ENTPD2: variants seen among roughly 807,000 people sequenced by gnomAD.
ENTPD2 encodes the protein ectonucleoside triphosphate diphosphohydrolase 2.
In ENTPD2, 48 loss-of-function variants were observed where a neutral mutation model predicts 46.8. The observed-to-expected ratio is 1.03, with a 90% CI of 0.81 to 1.30. ENTPD2 has a LOEUF of 1.30. ENTPD2 is among the 50% of genes most tolerant of loss of function. The pLI is 0.00. For missense variants in ENTPD2, 707 were observed against 651.1 expected (o/e 1.09, Z -0.93); for synonymous variants, 316 against 286.1 (o/e 1.10, Z -1.06).
rs1194775694 is a variant in ENTPD2, at chr9:137,049,267, C to G, written c.1150-192G>C. ...GGGGCACCCCCGGCAGGGCACGCTT[C>G]CATCCCTCCCCAGCCAGCGCCCATG... On this transcript the variant is annotated intron_variant, in intron 7 of 8. Transcript: ENST00000355097. The G allele has an allele frequency of 7.5e-6, 7 of 936,998 alleles. No homozygotes were observed. The African/African-American group carries it at 1.1e-4, about 15-fold the overall frequency. 58.0% of individuals were successfully genotyped at this position (936,998 alleles called of 1,614,324 possible). A position where few individuals can be genotyped will look rare whatever the true frequency, so the allele number is the denominator to read the frequency against.
At position 137,051,288 on chromosome 9, in the gene ENTPD2, C is replaced by T. The variant is rs1832290715; in HGVS notation, c.469G>A (p.Ala157Thr). The T allele has an allele frequency of 1.2e-6, 2 of 1,610,804 alleles. No individual in the cohort carries two copies. The highest frequency in any genetic ancestry group is 1.1e-5 in the South Asian group (1 of 90,738). ...LTQYPFDFRGARILSGQEEGV... is the reference protein window; with the variant it reads ...LTQYPFDFRGTRILSGQEEGV... ...TCTTCCTGGCCCGAGAGGATGCGTG[C>T]ACCCCGGAAGTCAAAGGGGTACTGG... Residue 157 changes from alanine to threonine, a missense_variant, in exon 4 of 9, where the codon GCA (alanine) becomes ACA (threonine). By Grantham distance (58) the Ala-to-Thr change is moderately conservative (BLOSUM62 0). Transcript: ENST00000355097.
rs554966421 is a variant in ENTPD2 at position 137,049,146 on chromosome 9, C to T, written c.1150-71G>A. 169 of 1,533,034 alleles carry T rather than the reference C, an allele frequency of 1.1e-4. 1 individual carries two copies. The East Asian group carries it at 2.8e-3, about 26-fold the overall frequency. The allele number at this position is 1,533,034 out of a possible 1,614,324, so 95.0% of individuals were successfully genotyped here. ...TCTCGGCCCCACGGGGAGAGGGGGC[C>T]GGCGGCGTGCTTCACCCCTCCCCAG... On this transcript the variant is annotated intron_variant, in intron 7 of 8. Transcript: ENST00000355097.
intron 1 of ENTPD2, 102 bp from the exon 2 acceptor site, chr9:137,052,450 C>T: frequency 5.7e-6 from 5 of 874,516 alleles, no homozygotes; most frequent in Non-Finnish European, 6.8e-6. Flanking sequence ...CCGCTCCCCC[C>T]CCCACCCAGT....
rs771527565 is a variant in ENTPD2, at chr9:137,048,762, G to T, written c.1383C>A (p.Phe461Leu). Residue 461 changes from phenylalanine to leucine, a missense_variant, in exon 9 of 9, where the codon TTC (phenylalanine) becomes TTA (leucine). By Grantham distance (22) the Phe-to-Leu change is conservative. Transcript: ENST00000355097. Reference sequence around the variant, plus strand: ...GCAGCAGGAGGACGACCCAGGAGCTGAAGTCTGTGCCCTTGCGCAGCCCCG... The same window carrying T: ...GCAGCAGGAGGACGACCCAGGAGCTTAAGTCTGTGCCCTTGCGCAGCCCCG... ...DPPGLRKGTDFSSWVVLLLLF... is the reference protein window; with the variant it reads ...DPPGLRKGTDLSSWVVLLLLF... The T allele has an allele frequency of 6.2e-7, 1 of 1,601,942 alleles. No homozygotes were observed. Among genetic ancestry groups the T allele is most frequent in the East Asian group, 2.2e-5 (1 of 44,716 alleles).
At chr9:137,049,600 G>A in intron 7 of ENTPD2, 1 of 479,282 alleles carries the variant, frequency 2.1e-6, no homozygotes, top group Non-Finnish European at 3.7e-6. Flanking sequence ...GAGGGAACCA[G>A]TGGCAGAAGC....
At position 137,048,651 on chromosome 9, in the gene ENTPD2, C is replaced by T. The variant is rs777613806; in HGVS notation, c.*6G>A. The T allele has an allele frequency of 2.0e-5, 31 of 1,571,466 alleles. No individual in the cohort carries two copies. In the African/African-American group the frequency reaches 2.7e-4, roughly 14 times the overall value. On this transcript the variant is annotated 3_prime_UTR_variant, in exon 9 of 9. Coordinates refer to ENST00000355097, the MANE Select transcript of ENTPD2 (RefSeq NM_203468.3). ...GGAGGGATGGGGCAGCTGCCCCCGTCGGCCCCTAAATGGTGCTTGGCAGCT... is the reference window on the plus strand; with the variant it reads ...GGAGGGATGGGGCAGCTGCCCCCGTTGGCCCCTAAATGGTGCTTGGCAGCT...
Position 137,049,904 on chromosome 9 carries a change from GC to G in ENTPD2, c.1114del (p.Ala372ProfsTer3). 2 of 1,612,286 alleles carry G rather than the reference GC, an allele frequency of 1.2e-6. No individual in the cohort carries two copies. The highest frequency in any genetic ancestry group is 1.7e-6 in the Non-Finnish European group (2 of 1,179,770). ...PVATLQQLEAAAVNVCNQTWA... is the reference protein window; with the variant it reads ...PVATLQQLEAXAVNVCNQTWA... ...GGTCTGGTTGCAGACATTCACTGCG[GC>G]TGCCTCCAGCTGCTGCAGGGTGGCC... On this transcript the variant is annotated frameshift_variant, in exon 7 of 9. Transcript: ENST00000355097. LOFTEE classifies it high-confidence loss of function.
Position 137,051,672 on chromosome 9 carries a change from C to T in ENTPD2, c.236-12G>A. Reference sequence around the variant, plus strand: ...GGAGATGCCCCCACCTAGAGGGAGGCAGAGAGATGAGCCTATGCCTCACGG... The same window carrying T: ...GGAGATGCCCCCACCTAGAGGGAGGTAGAGAGATGAGCCTATGCCTCACGG... On this transcript the variant is annotated splice_polypyrimidine_tract_variant and intron_variant, in intron 2 of 8. Coordinates refer to ENST00000355097, the MANE Select transcript of ENTPD2 (RefSeq NM_203468.3). 6.2e-7 allele frequency: 1 copy of T among 1,603,686 alleles called. No individual in the cohort carries two copies. Among genetic ancestry groups the T allele is most frequent in the Non-Finnish European group, 8.5e-7 (1 of 1,175,612 alleles).
In ENTPD2 at chr9:137,051,623, C is replaced by T; in HGVS notation, c.273G>A (p.Gly91=). The change falls in exon 3 of 9, where the codon GGG becomes GGA. Residue 91 remains glycine (G), a synonymous_variant. Coordinates refer to ENST00000355097, the MANE Select transcript of ENTPD2 (RefSeq NM_203468.3). The part of the protein sequence containing the change: ...GISSYADNPS[G]ASQSLVGCLE... The stretch of plus-strand genomic sequence containing the variant: ...GGCATCCAACAAGACTCTGGCTGGC[C>T]CCAGAAGGGTTGTCTGCATAGCTGG... 1.2e-6 allele frequency: 2 copies of T among 1,612,588 alleles called. No individual in the cohort carries two copies. The highest frequency in any genetic ancestry group is 1.7e-6 in the Non-Finnish European group (2 of 1,179,848).
chr9:137,049,626 C>T (rs890669722), intron 7 of ENTPD2: 9 of 506,848 alleles, frequency 1.8e-5, no homozygotes, highest in Admixed American at 7.7e-5. Context: ...ACCTGGGCAC[C>T]GGCCTCCCCC....
chr9:137,048,743 G>A lies in ENTPD2; in HGVS notation c.1402C>T (p.Leu468=). The change falls in exon 9 of 9, where the codon CTG becomes TTG. Residue 468 remains leucine, a synonymous_variant. Coordinates refer to ENST00000355097, the MANE Select transcript of ENTPD2 (RefSeq NM_203468.3). ...GTDFSSWVVL[L]LLFASALLAA... is the part of the protein sequence containing the mutation. ...AGGAGCGCGGAGGCGAAGAGCAGCA[G>A]GAGGACGACCCAGGAGCTGAAGTCT... 1.9e-6 allele frequency: 3 copies of A among 1,604,694 alleles called. No homozygotes were observed. The highest frequency in any genetic ancestry group is 1.7e-6 in the Non-Finnish European group (2 of 1,176,140).
At position 137,048,844 on chromosome 9, in the gene ENTPD2, A is replaced by T; in HGVS notation, c.1301T>A (p.Val434Glu). ...IFQKKAADTA[V>E]GWALGYMLNL... ...CAGCATGTAGCCGAGCGCCCAGCCC[A>T]CTGCAGTGTCCGCGGCCTGCGGGGA... The change falls in exon 9 of 9, where the codon GTG (valine) becomes GAG (glutamate). Residue 434 changes from valine (V) to glutamate (E), a missense_variant. By Grantham distance (121) the Val-to-Glu change is moderately radical. Transcript: ENST00000355097. 6.5e-7 allele frequency: 1 copy of T among 1,547,640 alleles called. No individual in the cohort carries two copies. The highest frequency in any genetic ancestry group is 8.7e-7 in the Non-Finnish European group (1 of 1,148,342).
Position 137,049,874 on chromosome 9 carries a change from G to C in ENTPD2, c.1145C>G (p.Ala382Gly), listed in dbSNP as rs1382160619. 2 of 1,610,674 alleles carry C rather than the reference G, an allele frequency of 1.2e-6. No individual in the cohort carries two copies. The highest frequency in any genetic ancestry group is 2.7e-5 in the African/African-American group (2 of 74,900). The change falls in exon 7 of 9, where the codon GCT becomes GGT. Residue 382 changes from alanine to glycine, a missense_variant. Physicochemically the swap from Ala to Gly is moderately conservative, Grantham distance 60. Coordinates refer to ENST00000355097, the MANE Select transcript of ENTPD2 (RefSeq NM_203468.3). ...AAVNVCNQTW[A>G]QLQARVPGQR... The stretch of plus-strand genomic sequence containing the variant: ...AGGAGTGGGAGCGGGGCTCACCTGA[G>C]CCCAGGTCTGGTTGCAGACATTCAC...
At chr9:137,052,175 G>T in intron 2 of ENTPD2, 56 bp downstream of exon 2, 1 of 1,505,680 alleles carries the variant, frequency 6.6e-7, no homozygotes, top group Non-Finnish European at 9.2e-7. Context: ...GGCTGGAGAG[G>T]GTCCCAGAGA....
chr9:137,049,687 C>T (rs1021373630), intron 7 of ENTPD2, 183 bp downstream of exon 7: 78 of 668,684 alleles, frequency 1.2e-4, no homozygotes, highest in Non-Finnish European at 1.5e-4. Flanking sequence ...TTCTCCAACC[C>T]GCCCGACTTG....
Position 137,053,957 on chromosome 9 carries a change from A to G in ENTPD2, c.41T>C (p.Leu14Pro), listed in dbSNP as rs1031054734. 15 of 1,222,888 alleles carry G rather than the reference A, an allele frequency of 1.2e-5. No homozygotes were observed. In the African/African-American group the frequency reaches 2.4e-4, roughly 19 times the overall value. The allele number at this position is 1,222,888 out of a possible 1,614,324, so 75.8% of individuals were successfully genotyped here. A position where few individuals can be genotyped will look rare whatever the true frequency, so the allele number is the denominator to read the frequency against. ...KVRSLLPPLL[L>P]AAAGLAGLLL... ...GAGGCCGGCGAGGCCCGCGGCGGCC[A>G]GCAGCAGCGGCGGCAGCAGTGACCG... Residue 14 changes from leucine to proline, a missense_variant, in exon 1 of 9, where the codon CTG (leucine) becomes CCG (proline). Transcript: ENST00000355097.
At position 137,048,815 on chromosome 9, in the gene ENTPD2, G is replaced by A. The variant is rs756002752; in HGVS notation, c.1330C>T (p.Leu444=). The A allele has an allele frequency of 5.1e-5, 80 of 1,571,994 alleles. No homozygotes were observed. The highest frequency in any genetic ancestry group is 6.5e-5 in the Non-Finnish European group (75 of 1,158,394). ...GGGTCGGCGGGGATCAGGTTGGTCA[G>A]GTTCAGCATGTAGCCGAGCGCCCAG... ...VGWALGYMLN[L]TNLIPADPPG... Residue 444 remains leucine (L), a synonymous_variant, in exon 9 of 9, where the codon CTG becomes TTG. Transcript: ENST00000355097.
Position 137,052,353 on chromosome 9 carries a change from G to C in ENTPD2, c.118-5C>G, listed in dbSNP as rs770269597. ...AGCGTCCAGGACGATGCCATACTGCGGGGGAGGGGGAGGGAGTCAGCCTGG... is the reference window on the plus strand; with the variant it reads ...AGCGTCCAGGACGATGCCATACTGCCGGGGAGGGGGAGGGAGTCAGCCTGG... On this transcript the variant is annotated splice_polypyrimidine_tract_variant and splice_region_variant and intron_variant, in intron 1 of 8. Transcript: ENST00000355097. 4 of 1,438,330 alleles carry C rather than the reference G, an allele frequency of 2.8e-6. No individual in the cohort carries two copies. Among genetic ancestry groups the C allele is most frequent in the East Asian group, 4.6e-5 (2 of 43,356 alleles). The allele number at this position is 1,438,330 out of a possible 1,614,324, so 89.1% of individuals were successfully genotyped here.
Position 137,050,388 on chromosome 9 carries a change from G to A in ENTPD2, c.925C>T (p.Leu309Phe). The change falls in exon 6 of 9, where the codon CTC (leucine) becomes TTC (phenylalanine). Residue 309 changes from leucine to phenylalanine, a missense_variant. Leu to Phe is a conservative substitution (Grantham distance 22, BLOSUM62 0). Coordinates refer to ENST00000355097, the MANE Select transcript of ENTPD2 (RefSeq NM_203468.3). The part of the protein sequence containing the change: ...VSLSGSSDPH[L>F]CRDLVSGLFS... ...AGCCCAGAAACCAGATCTCGGCAGA[G>A]GTGGGGGTCACTGCTCCCTGACAGG... 6.2e-7 allele frequency: 1 copy of A among 1,613,016 alleles called. No homozygotes were observed. Among genetic ancestry groups the A allele is most frequent in the Non-Finnish European group, 8.5e-7 (1 of 1,179,992 alleles).
Sources: allele counts gnomAD v4.1 joint callset, GRCh38; gene constraint gnomAD v4.1.1; transcripts MANE v1.5; gene names NCBI Gene and HGNC (gene_info 2026-07-23, HGNC 2026-07-21).